The following SGCD variants were observed in gnomAD, a reference collection of about 807,000 sequenced individuals.
SGCD encodes the protein delta-sarcoglycan.
SGCD carries 18 observed loss-of-function variants against 36.6 expected under a neutral mutation model. The ratio of observed to expected loss-of-function variants is 0.49; its 90% CI spans 0.34 to 0.73. The LOEUF (loss-of-function observed/expected upper bound fraction) is 0.73. Among genes scored for constraint, SGCD ranks in the 30% least tolerant of loss-of-function variants. The probability of loss-of-function intolerance (pLI) is 0.01; values close to 1 mark genes in which losing one functional copy is unlikely to be tolerated. For synonymous variants in SGCD, 133 were observed against 130.6 expected, an observed-to-expected ratio of 1.02 and a Z score of -0.12; for missense variants, 387 against 346.7, an observed-to-expected ratio of 1.12 and a Z score of -0.92.
At chr5:156,707,244 G>A (rs1179176488) in intron 7 of SGCD, among the ~76,000 whole-genome samples, 1 of 152,028 alleles carries the variant, frequency 6.6e-6, no homozygotes, top group Non-Finnish European at 1.5e-5. Flanking sequence ...TACCAGGGTG[G>A]CATTTTAGTA....
chr5:156,654,651 T>C (rs1763604127), intron 7 of SGCD, among the ~76,000 whole-genome samples: 2 of 152,174 alleles, frequency 1.3e-5, no homozygotes, highest in Admixed American at 1.3e-4. Flanking sequence ...CTAATATCCC[T>C]ATGTGGCCTT....
intron 1 of SGCD, among the ~76,000 whole-genome samples, chr5:155,918,807 C>A (rs1756810732): frequency 6.6e-6 from 1 of 152,210 alleles, no homozygotes; most frequent in Non-Finnish European, 1.5e-5. Flanking sequence ...CAATCTCTAG[C>A]CGTCAATAGT....
At chr5:155,738,783 T>C in the SGCD span, among the ~76,000 whole-genome samples, 10 of 148,160 alleles carry the variant, frequency 6.7e-5, no homozygotes, top group African/African-American at 2.5e-4. Context: ...AGAGAATGTG[T>C]GTGAGTGTGC....
chr5:156,099,798 T>TATAAATA (rs1233533220), intron 1 of SGCD, among the ~76,000 whole-genome samples: 1 of 151,962 alleles, frequency 6.6e-6, no homozygotes, highest in Admixed American at 6.6e-5. Flanking sequence ...AATATATTAT[T>TATAAATA]ATAAATAATA....
intron 1 of SGCD, among the ~76,000 whole-genome samples, chr5:156,094,885 C>T (rs1761338490): frequency 6.6e-6 from 1 of 152,100 alleles, no homozygotes. Flanking sequence ...CCTGTAATCC[C>T]AGCTACTCAG....
At chr5:156,177,692 C>T (rs1003591199) in intron 3 of SGCD, among the ~76,000 whole-genome samples, 3 of 152,084 alleles carry the variant, frequency 2.0e-5, no homozygotes, top group African/African-American at 7.2e-5. Flanking sequence ...TTTTCATCAC[C>T]CCCCAAAAGA....
At chr5:156,093,797 A>T (rs1761306744) in intron 1 of SGCD, among the ~76,000 whole-genome samples, 1 of 152,220 alleles carries the variant, frequency 6.6e-6, no homozygotes, top group African/African-American at 2.4e-5. Flanking sequence ...CATCTGCTTA[A>T]GTGGGCTGAT....
At chr5:155,961,748 T>A (rs1757794400) in intron 1 of SGCD, among the ~76,000 whole-genome samples, 1 of 152,134 alleles carries the variant, frequency 6.6e-6, no homozygotes, top group Non-Finnish European at 1.5e-5. Flanking sequence ...TTTGGTTTGC[T>A]ACGGAATCAC....
At chr5:156,270,667 C>T (rs956299644) in intron 3 of SGCD, among the ~76,000 whole-genome samples, 42 of 152,096 alleles carry the variant, frequency 2.8e-4, no homozygotes, top group African/African-American at 8.9e-4. Flanking sequence ...GACTCTAGAA[C>T]CAAAGGACCT....
At chr5:156,507,072 C>G (rs909790879) in intron 3 of SGCD, among the ~76,000 whole-genome samples, 1 of 152,166 alleles carries the variant, frequency 6.6e-6, no homozygotes, top group Non-Finnish European at 1.5e-5. Context: ...GCGCCTCACT[C>G]CACCTCAAAG....
intron 3 of SGCD, among the ~76,000 whole-genome samples, chr5:156,472,179 G>A (rs570347831): frequency 3.3e-4 from 50 of 152,272 alleles, no homozygotes; most frequent in African/African-American, 1.1e-3. Context: ...GCGTAACTAC[G>A]TTGGAGAATT....
chr5:156,433,143 A>G (rs1753095101), intron 3 of SGCD, among the ~76,000 whole-genome samples: 1 of 152,222 alleles, frequency 6.6e-6, no homozygotes, highest in Non-Finnish European at 1.5e-5. Context: ...GTTAATTTTT[A>G]CATTGCAATC....
At chr5:156,316,036 CTGTT>C (rs1279694217) in intron 3 of SGCD, among the ~76,000 whole-genome samples, 1 of 151,902 alleles carries the variant, frequency 6.6e-6, no homozygotes, top group Non-Finnish European at 1.5e-5. Context: ...AGAACTGTCT[CTGTT>C]TGAGGAGTGT....
the SGCD span, among the ~76,000 whole-genome samples, chr5:155,794,109 A>G: frequency 6.6e-6 from 1 of 152,292 alleles, no homozygotes; most frequent in South Asian, 2.1e-4. Context: ...GCTGTACAGC[A>G]CTACACTGTA....
In SGCD at chr5:156,759,464, T is replaced by G; in HGVS notation, c.*74T>G. ...CTTTAGACACTGGCTGCCAGCTATT[T>G]TTACTAGAACACAGAAAGCCTATCA... On this transcript the variant is annotated 3_prime_UTR_variant, in exon 9 of 9. Transcript: ENST00000337851. 9.5e-7 allele frequency: 1 copy of G among 1,049,380 alleles called. No individual in the cohort carries two copies. The highest frequency in any genetic ancestry group is 1.4e-6 in the Non-Finnish European group (1 of 716,758). The allele number at this position is 1,049,380 out of a possible 1,614,324, so 65.0% of individuals were successfully genotyped here. A position where few individuals can be genotyped will look rare whatever the true frequency, so the allele number is the denominator to read the frequency against.
intron 4 of SGCD, among the ~76,000 whole-genome samples, chr5:156,562,258 C>T (rs894741535): frequency 6.6e-6 from 1 of 152,060 alleles, no homozygotes; most frequent in Non-Finnish European, 1.5e-5. Context: ...GCATATTATA[C>T]AGGATATGAA....
At chr5:156,321,918 C>T (rs544017400), upstream of SGCD, among the ~76,000 whole-genome samples, 11 of 152,180 alleles carry the variant, frequency 7.2e-5, no homozygotes, top group South Asian at 2.3e-3. Context: ...CCTCTTTTTT[C>T]CTTAGGCTAA....
intron 3 of SGCD, among the ~76,000 whole-genome samples, chr5:156,133,883 G>T (rs10037288): frequency 0.072 from 10,699 of 147,672 alleles, 864 homozygotes; most frequent in African/African-American, 0.17. Flanking sequence ...TCAAAATCTT[G>T]TACAGATTTA....
At chr5:156,630,751 G>T (rs904649156) in intron 6 of SGCD, among the ~76,000 whole-genome samples, 1 of 152,146 alleles carries the variant, frequency 6.6e-6, no homozygotes, top group African/African-American at 2.4e-5. Context: ...GCTCTGGTGA[G>T]CATGGACCCA....
Sources: allele counts gnomAD v4.1 joint callset (sites outside exome capture counted in the v4.1 genomes callset), GRCh38; gene constraint gnomAD v4.1.1; transcripts MANE v1.5; gene names NCBI Gene and HGNC (gene_info 2026-07-23, HGNC 2026-07-21).